Variants in SGCD observed in about 807,000 individuals in gnomAD.
SGCD encodes delta-sarcoglycan.
Under a neutral mutation model 36.6 loss-of-function variants are expected in SGCD, and 18 were observed. That is an observed-to-expected ratio of 0.49 (90% CI 0.34 to 0.73). The LOEUF (loss-of-function observed/expected upper bound fraction) is 0.73, where lower values mean the gene tolerates loss of function less well. Among genes scored for constraint, SGCD ranks in the 30% least tolerant of loss-of-function variants. The pLI is 0.01. For synonymous variants in SGCD, 133 were observed against 130.6 expected (o/e 1.02, Z -0.12); for missense variants, 387 against 346.7 (o/e 1.12, Z -0.92).
intron 1 of SGCD, among the ~76,000 whole-genome samples, chr5:156,048,588 T>C (rs1759834358): frequency 6.6e-6 from 1 of 152,232 alleles, no homozygotes; most frequent in African/African-American, 2.4e-5. Context: ...ATGATGAGCA[T>C]TTTTTGATGT....
chr5:156,049,526 G>A (rs1334775014), intron 1 of SGCD, among the ~76,000 whole-genome samples: 1 of 145,854 alleles, frequency 6.9e-6, no homozygotes, highest in Non-Finnish European at 1.5e-5. Context: ...AGTTCTCCTT[G>A]AAGAGCACTA....
intron 1 of SGCD, among the ~76,000 whole-genome samples, chr5:156,000,478 G>T (rs2127567718): frequency 6.6e-6 from 1 of 152,282 alleles, no homozygotes; most frequent in East Asian, 1.9e-4. Flanking sequence ...CTGTTCTAAA[G>T]GAGTGGCTTT....
intron 2 of SGCD, 49 bp from the exon 3 acceptor site, chr5:156,344,440 C>A: frequency 1.6e-6 from 2 of 1,274,854 alleles, no homozygotes; most frequent in Non-Finnish European, 2.2e-6. Context: ...TTTTTCTCTT[C>A]TCTCAGCGGT....
intron 1 of SGCD, among the ~76,000 whole-genome samples, chr5:155,872,599 A>G (rs553049685): frequency 1.3e-5 from 2 of 152,268 alleles, no homozygotes; most frequent in East Asian, 3.9e-4. Context: ...GGTAATGTAC[A>G]CTGTGTACAT....
the SGCD span, among the ~76,000 whole-genome samples, chr5:155,728,667 C>T: frequency 6.6e-6 from 1 of 152,160 alleles, no homozygotes; most frequent in African/African-American, 2.4e-5. Flanking sequence ...TGGCAAGTCC[C>T]TTGTCTATCC....
chr5:156,155,244 T>C (rs1246193676), intron 3 of SGCD, among the ~76,000 whole-genome samples: 1 of 151,400 alleles, frequency 6.6e-6, no homozygotes, highest in African/African-American at 2.5e-5. Context: ...CAAGTTTAAA[T>C]GGTCATAGAT....
chr5:156,717,909 C>T (rs1755300429), intron 7 of SGCD, among the ~76,000 whole-genome samples: 1 of 152,112 alleles, frequency 6.6e-6, no homozygotes, highest in African/African-American at 2.4e-5. Context: ...CTATGTGACC[C>T]CTCTTGAGTG....
chr5:156,314,938 G>A (rs1462931497), intron 3 of SGCD, among the ~76,000 whole-genome samples: 1 of 151,818 alleles, frequency 6.6e-6, no homozygotes, highest in Admixed American at 6.6e-5. Context: ...AATTAAATAT[G>A]GTAGATATTT....
At chr5:156,538,817 G>C (rs187442063) in intron 4 of SGCD, among the ~76,000 whole-genome samples, 2 of 151,928 alleles carry the variant, frequency 1.3e-5, no homozygotes, top group African/African-American at 4.8e-5. Flanking sequence ...CCTCAATATT[G>C]CAAGTTTCAC....
chr5:156,420,634 T>A (rs1773258310), intron 3 of SGCD, among the ~76,000 whole-genome samples: 1 of 152,144 alleles, frequency 6.6e-6, no homozygotes. Flanking sequence ...TTTAGCATGC[T>A]GGGGTGACCG....
chr5:156,174,176 G>C (rs1328225446), intron 3 of SGCD, among the ~76,000 whole-genome samples: 1 of 152,152 alleles, frequency 6.6e-6, no homozygotes, highest in Non-Finnish European at 1.5e-5. Flanking sequence ...TCTAACTATG[G>C]AAGACAACCA....
intron 5 of SGCD, 62 bp from the exon 6 acceptor site, chr5:156,594,870 G>T: frequency 1.8e-6 from 2 of 1,085,346 alleles, no homozygotes; most frequent in Non-Finnish European, 2.8e-6. Context: ...GAGACTAATG[G>T]TGTTTTCTCT....
chr5:156,516,448 T>G (rs1038424559), intron 4 of SGCD, among the ~76,000 whole-genome samples: 1 of 151,926 alleles, frequency 6.6e-6, no homozygotes, highest in African/African-American at 2.4e-5. Context: ...GGCCTGACTG[T>G]TAAAAGTGAA....
At chr5:156,026,849 G>A (rs1759235207) in intron 1 of SGCD, among the ~76,000 whole-genome samples, 1 of 152,090 alleles carries the variant, frequency 6.6e-6, no homozygotes, top group South Asian at 2.1e-4. Context: ...GGGCCAAATA[G>A]TAAATATCTA....
chr5:156,596,969 C>A (rs1219055775), intron 6 of SGCD, among the ~76,000 whole-genome samples: 3 of 152,136 alleles, frequency 2.0e-5, no homozygotes, highest in African/African-American at 7.2e-5. Flanking sequence ...ATCATGAGCT[C>A]AGCATAGTCA....
chr5:155,955,231 G>A (rs913441468), intron 1 of SGCD, among the ~76,000 whole-genome samples: 1 of 151,978 alleles, frequency 6.6e-6, no homozygotes, highest in African/African-American at 2.4e-5. Flanking sequence ...CATGTGGCCC[G>A]GTCAAATTGA....
chr5:156,252,063 AT>A (rs1326824088), intron 3 of SGCD, among the ~76,000 whole-genome samples: 7 of 147,854 alleles, frequency 4.7e-5, no homozygotes, highest in Admixed American at 6.7e-5. Context: ...TGATATTAGC[AT>A]TTTTTTTTCT....
At chr5:156,174,486 C>T (rs1258657744) in intron 3 of SGCD, among the ~76,000 whole-genome samples, 4 of 152,180 alleles carry the variant, frequency 2.6e-5, no homozygotes, top group African/African-American at 9.6e-5. Flanking sequence ...GCAGGGCCAC[C>T]TGTGCTGCGC....
chr5:156,164,348 T>C (rs1396671547), intron 3 of SGCD, among the ~76,000 whole-genome samples: 1 of 147,878 alleles, frequency 6.8e-6, no homozygotes, highest in Non-Finnish European at 1.5e-5. Flanking sequence ...CTTATTCTCC[T>C]TTCATTGGAT....
Sources: gnomAD v4.1 joint callset for allele counts (sites outside exome capture counted in the v4.1 genomes callset) on GRCh38, gnomAD v4.1.1 for gene constraint, MANE v1.5 for transcripts, NCBI Gene and HGNC (gene_info 2026-07-23, HGNC 2026-07-21) for gene names.